GAN: variants seen among roughly 807,000 people sequenced by gnomAD.
The protein encoded by GAN is epididymis secretory sperm binding protein.
GAN carries 48 observed loss-of-function variants against 71.3 expected under a neutral mutation model. The observed-to-expected ratio is 0.67, with a 90% confidence interval of 0.53 to 0.86. The LOEUF is 0.86. Among genes scored for constraint, GAN ranks in the 40% least tolerant of loss-of-function variants. The probability of loss-of-function intolerance (pLI) is 0.00; values close to 1 mark genes in which losing one functional copy is unlikely to be tolerated. For synonymous variants in GAN, 386 were observed against 276.8 expected, an observed-to-expected ratio of 1.39 and a Z score of -3.92; for missense variants, 928 against 770.1, an observed-to-expected ratio of 1.21 and a Z score of -2.43.
intron 1 of GAN, among the ~76,000 whole-genome samples, chr16:81,343,634 A>G (rs149424488): frequency 6.6e-6 from 1 of 152,204 alleles, no homozygotes; most frequent in African/African-American, 2.4e-5. Flanking sequence ...AATAAGACCT[A>G]TTTACGACAA....
In GAN at chr16:81,388,951, T is replaced by G. The variant is rs903983095; in HGVS notation, c.*11355T>G. ...TTATTGTTAGTCTAGCATATGCTCA[T>G]TGAAATTGACTTATGTTTTATTTTA... On this transcript the variant is annotated 3_prime_UTR_variant, in exon 11 of 11. Coordinates refer to ENST00000648994, the MANE Select transcript of GAN (RefSeq NM_022041.4). 2 of 152,208 alleles carry G rather than the reference T, an allele frequency of 1.3e-5. No individual in the cohort carries two copies. Among genetic ancestry groups the G allele is most frequent in the South Asian group, 4.1e-4 (2 of 4,830 alleles). 9.4% of individuals were successfully genotyped at this position (152,208 alleles called of 1,614,324 possible). A position where few individuals can be genotyped will look rare whatever the true frequency, so the allele number is the denominator to read the frequency against.
chr16:81,315,518 T>G (rs1475365572), intron 1 of GAN, among the ~76,000 whole-genome samples: 1 of 151,866 alleles, frequency 6.6e-6, no homozygotes, highest in East Asian at 1.9e-4. Context: ...CCGCGCCCCT[T>G]GGAGTTGTCC....
In GAN at chr16:81,377,972, C is replaced by G. The variant is rs1464828609; in HGVS notation, c.*376C>G. The G allele has an allele frequency of 3.4e-6, 1 of 291,292 alleles. No individual in the cohort carries two copies. Among genetic ancestry groups the G allele is most frequent in the African/African-American group, 2.2e-5 (1 of 46,472 alleles). 18.0% of individuals were successfully genotyped at this position (291,292 alleles called of 1,614,324 possible). A position where few individuals can be genotyped will look rare whatever the true frequency, so the allele number is the denominator to read the frequency against. ...CTGACTGCTGTATTCAAATACGTAG[C>G]TTTGGTAACAAACAAAATCCGTATA... On this transcript the variant is annotated 3_prime_UTR_variant, in exon 11 of 11. Coordinates refer to ENST00000648994, the MANE Select transcript of GAN (RefSeq NM_022041.4).
At chr16:81,336,875 C>G (rs1447956251) in intron 1 of GAN, among the ~76,000 whole-genome samples, 2 of 152,148 alleles carry the variant, frequency 1.3e-5, no homozygotes, top group Admixed American at 1.3e-4. Context: ...CAGCCTCCCC[C>G]ATTATCAGTA....
chr16:81,339,079 G>C (rs1170070390), intron 1 of GAN, among the ~76,000 whole-genome samples: 1 of 152,018 alleles, frequency 6.6e-6, no homozygotes, highest in Non-Finnish European at 1.5e-5. Context: ...TATTCATCTG[G>C]GATTAATTGG....
chr16:81,340,197 AC>A (rs993593548), intron 1 of GAN, among the ~76,000 whole-genome samples: 1 of 152,200 alleles, frequency 6.6e-6, no homozygotes, highest in African/African-American at 2.4e-5. Flanking sequence ...CCTCAGCCTT[AC>A]AAAGTGCCCG....
chr16:81,357,778 A>G (rs760080354), intron 4 of GAN, 32 bp from the exon 5 acceptor site: 43 of 1,600,578 alleles, frequency 2.7e-5, no homozygotes, highest in Non-Finnish European at 3.7e-5. Context: ...TATGAAGCAC[A>G]TTAACTACTG....
chr16:81,361,126 G>C (rs1402827528), intron 5 of GAN, among the ~76,000 whole-genome samples: 1 of 152,110 alleles, frequency 6.6e-6, no homozygotes, highest in East Asian at 1.9e-4. Flanking sequence ...TCAGGAGGGC[G>C]ATGCAGGAGA....
chr16:81,370,240 T>G (rs923117555), intron 9 of GAN, among the ~76,000 whole-genome samples: 1 of 152,332 alleles, frequency 6.6e-6, no homozygotes, highest in Middle Eastern at 3.4e-3. Context: ...CTGACCACAT[T>G]GTGCTGTTTG....
chr16:81,328,817 C>CT (rs1391013286), intron 1 of GAN, among the ~76,000 whole-genome samples: 1 of 152,120 alleles, frequency 6.6e-6, no homozygotes, highest in African/African-American at 2.4e-5. Flanking sequence ...GATTGGCAGA[C>CT]TTTTTCTCTG....
chr16:81,357,924 C>G lies in GAN; in HGVS notation c.966C>G (p.Leu322=), dbSNP rs1430563870. Residue 322 remains leucine (L), a synonymous_variant, in exon 5 of 11, where the codon CTC becomes CTG. Transcript: ENST00000648994. ...LSMPRINHGV[L]SAEGFLFVFG... ...TGCCGAGAATTAACCATGGAGTTCT[C>G]TCAGCAGGTACCGTTCTGTGGCAAA... is the stretch of plus-strand genomic sequence containing the variant. The G allele has an allele frequency of 3.7e-5, 59 of 1,613,758 alleles. No individual in the cohort carries two copies. The highest frequency in any genetic ancestry group is 5.0e-5 in the Non-Finnish European group (59 of 1,179,724).
chr16:81,368,754 G>T (rs1023483317), intron 9 of GAN, among the ~76,000 whole-genome samples: 2 of 152,166 alleles, frequency 1.3e-5, no homozygotes, highest in African/African-American at 2.4e-5. Context: ...TCCTGCATCT[G>T]TGTAGTGTCA....
intron 1 of GAN, among the ~76,000 whole-genome samples, chr16:81,315,781 G>C (rs903667300): frequency 1.3e-5 from 2 of 152,264 alleles, no homozygotes; most frequent in Non-Finnish European, 2.9e-5. Flanking sequence ...CGCCAACCAG[G>C]CGGGGAGCGC....
chr16:81,329,418 C>T (rs1391561875), intron 1 of GAN, among the ~76,000 whole-genome samples: 1 of 152,202 alleles, frequency 6.6e-6, no homozygotes, highest in African/African-American at 2.4e-5. Context: ...TAAACAGACT[C>T]TGCATCCTCT....
At chr16:81,346,677 G>A (rs980580370) in intron 1 of GAN, among the ~76,000 whole-genome samples, 1 of 152,166 alleles carries the variant, frequency 6.6e-6, no homozygotes, top group Non-Finnish European at 1.5e-5. Context: ...GTGCCAAAAA[G>A]GTTGGGGACT....
intron 5 of GAN, among the ~76,000 whole-genome samples, chr16:81,361,072 A>C (rs1374077490): frequency 1.3e-5 from 2 of 152,100 alleles, no homozygotes; most frequent in Admixed American, 6.5e-5. Context: ...AAAGTACAAA[A>C]AGTAGCTGGG....
chr16:81,361,508 C>T (rs190859634), intron 5 of GAN, among the ~76,000 whole-genome samples: 41 of 152,322 alleles, frequency 2.7e-4, no homozygotes, highest in South Asian at 1.7e-3. Flanking sequence ...CCAGAAGCCA[C>T]GTTTTCTGTG....
intron 7 of GAN, 150 bp from the exon 8 acceptor site, chr16:81,364,824 G>T (rs1367783660): frequency 1.3e-6 from 1 of 789,772 alleles, no homozygotes; most frequent in African/African-American, 1.7e-5. Flanking sequence ...AAAGTCCGGT[G>T]TTGTAATACT....
At chr16:81,321,877 G>C (rs915894065) in intron 1 of GAN, among the ~76,000 whole-genome samples, 1 of 152,282 alleles carries the variant, frequency 6.6e-6, no homozygotes, top group Admixed American at 6.5e-5. Flanking sequence ...CGCTTCCCAT[G>C]GGTTCTCTTC....
Sources: allele counts gnomAD v4.1 joint callset (sites outside exome capture counted in the v4.1 genomes callset), GRCh38; gene constraint gnomAD v4.1.1; transcripts MANE v1.5; gene names NCBI Gene and HGNC (gene_info 2026-07-23, HGNC 2026-07-21).